Variants in LUC7L3 observed in about 807,000 individuals in gnomAD.
LUC7L3 encodes LUC7 like 3 pre-mRNA splicing factor, also known as luc7-like protein 3.
Under a neutral mutation model 66.8 loss-of-function variants are expected in LUC7L3, and 6 were observed. The ratio of observed to expected loss-of-function variants is 0.09; its 90% CI spans 0.05 to 0.18. The LOEUF (loss-of-function observed/expected upper bound fraction) is 0.18, where lower values mean the gene tolerates loss of function less well. Ranked by LOEUF, LUC7L3 falls within the 10% of genes least tolerant of loss-of-function variation. The probability of loss-of-function intolerance (pLI) is 1.00; values close to 1 mark genes in which losing one functional copy is unlikely to be tolerated. For missense variants in LUC7L3, 341 were observed against 531.1 expected (o/e 0.64, Z 3.52); for synonymous variants, 160 against 174.7 (o/e 0.92, Z 0.66).
intron 4 of LUC7L3, 79 bp from the exon 5 acceptor site, chr17:50,741,578 A>G (rs1970349016): frequency 1.3e-6 from 1 of 784,210 alleles, no homozygotes; most frequent in Non-Finnish European, 2.1e-6. Flanking sequence ...AAATAGAAAT[A>G]TTATGTATGG....
At chr17:50,721,860 A>G (rs1597880864) in intron 1 of LUC7L3, among the ~76,000 whole-genome samples, 4 of 151,108 alleles carry the variant, frequency 2.6e-5, no homozygotes, top group African/African-American at 4.8e-5. Flanking sequence ...TTTCTTGGCC[A>G]TACTTGCATT....
intron 1 of LUC7L3, among the ~76,000 whole-genome samples, chr17:50,726,934 C>T (rs968111139): frequency 6.6e-6 from 1 of 151,878 alleles, no homozygotes; most frequent in Non-Finnish European, 1.5e-5. Flanking sequence ...ACTAAAAATA[C>T]AAAAATTAGC....
At chr17:50,745,269 C>T (rs192240312) in intron 7 of LUC7L3, among the ~76,000 whole-genome samples, 9 of 152,076 alleles carry the variant, frequency 5.9e-5, no homozygotes, top group African/African-American at 1.7e-4. Flanking sequence ...TGAGCCACTG[C>T]GCTCGGCCAG....
rs77815565 is a variant in LUC7L3, at chr17:50,740,291, T to C, written c.167-15T>C. On this transcript the variant is annotated splice_polypyrimidine_tract_variant and intron_variant, in intron 2 of 9. Transcript: ENST00000505658. The stretch of plus-strand genomic sequence containing the variant: ...TAATCACAGATAATTTATACAATTA[T>C]ATTTTTTCCCCCAGGTCCGTGTGAA... The C allele has an allele frequency of 0.021, 33,462 of 1,582,766 alleles. 474 individuals are homozygous for C. The highest frequency in any genetic ancestry group is 0.025 in the Non-Finnish European group (29,402 of 1,161,162).
At chr17:50,729,927 T>C (rs930769596) in intron 1 of LUC7L3, among the ~76,000 whole-genome samples, 1 of 43,642 alleles carries the variant, frequency 2.3e-5, no homozygotes, top group Non-Finnish European at 5.6e-5. Flanking sequence ...TATATATATA[T>C]ATATATATAT....
At chr17:50,748,558 A>G (rs1163095043) in intron 9 of LUC7L3, 1 of 151,244 alleles carries the variant, frequency 6.6e-6, no homozygotes, top group Non-Finnish European at 1.5e-5. Flanking sequence ...TCCTGGGTTC[A>G]AGCAATCCTC....
Position 50,750,892 on chromosome 17 carries a change from G to T in LUC7L3, c.*231G>T. ...CTCAGCTATTTTGTAGCAGACTCGTGCCCCCATTAGTGTGCCTCTTTGGAA... is the reference window on the plus strand; with the variant it reads ...CTCAGCTATTTTGTAGCAGACTCGTTCCCCCATTAGTGTGCCTCTTTGGAA... On this transcript the variant is annotated 3_prime_UTR_variant, in exon 10 of 10. Transcript: ENST00000505658. 6.5e-7 allele frequency: 1 copy of T among 1,536,054 alleles called. No individual in the cohort carries two copies. Among genetic ancestry groups the T allele is most frequent in the Non-Finnish European group, 8.7e-7 (1 of 1,146,850 alleles).
intron 1 of LUC7L3, among the ~76,000 whole-genome samples, chr17:50,726,392 G>A (rs939542711): frequency 2.6e-5 from 4 of 152,040 alleles, no homozygotes; most frequent in African/African-American, 9.7e-5. Flanking sequence ...GGCTGGGCTC[G>A]AACTCCTGGC....
chr17:50,749,111 A>G, intron 9 of LUC7L3: 2 of 748,864 alleles, frequency 2.7e-6, no homozygotes, highest in South Asian at 1.6e-5. Flanking sequence ...CAACCAGTGT[A>G]AGGTGCTCTC....
intron 1 of LUC7L3, among the ~76,000 whole-genome samples, chr17:50,720,595 A>C (rs1355528581): frequency 1.3e-5 from 2 of 152,204 alleles, no homozygotes; most frequent in African/African-American, 4.8e-5. Flanking sequence ...GTAGCATTTC[A>C]AGTGTTTTGA....
chr17:50,724,343 A>C (rs1420291854), intron 1 of LUC7L3: 1 of 153,894 alleles, frequency 6.5e-6, no homozygotes, highest in African/African-American at 2.4e-5. Flanking sequence ...AACATGGTGA[A>C]ACCCTGTCTC....
In LUC7L3 at chr17:50,754,860, A is replaced by G. The variant is rs1164278357; in HGVS notation, c.*4199A>G. On this transcript the variant is annotated 3_prime_UTR_variant, in exon 10 of 10. Coordinates refer to ENST00000505658, the MANE Select transcript of LUC7L3 (RefSeq NM_016424.5). Reference sequence around the variant, plus strand: ...TAAGGTCTGAGAACACTTGGACCACATATTGGTTGAGCTCAGCCACCTTCT... The same window carrying G: ...TAAGGTCTGAGAACACTTGGACCACGTATTGGTTGAGCTCAGCCACCTTCT... 1 of 152,178 alleles carries G rather than the reference A, an allele frequency of 6.6e-6. No individual in the cohort carries two copies. The highest frequency in any genetic ancestry group is 2.4e-5 in the African/African-American group (1 of 41,444). The allele number at this position is 152,178 out of a possible 1,614,324, so 9.4% of individuals were successfully genotyped here.
At chr17:50,733,369 C>G (rs528267956) in intron 1 of LUC7L3, among the ~76,000 whole-genome samples, 160 of 147,892 alleles carry the variant, frequency 1.1e-3, no homozygotes, top group African/African-American at 3.7e-3. Context: ...GTGGCTGGGA[C>G]TACAGGCACC....
Position 50,752,543 on chromosome 17 carries a change from C to T in LUC7L3, c.*1882C>T, listed in dbSNP as rs567340059. On this transcript the variant is annotated 3_prime_UTR_variant, in exon 10 of 10. Coordinates refer to ENST00000505658, the MANE Select transcript of LUC7L3 (RefSeq NM_016424.5). ...GAAAACAGGATTAAACGTTAGTATT[C>T]GTGTGAATCAGACTAAGTGGGATTT... 1.3e-4 allele frequency: 21 copies of T among 158,464 alleles called. No homozygotes were observed. The highest frequency in any genetic ancestry group is 1.7e-4 in the African/African-American group (7 of 41,550). 9.8% of individuals were successfully genotyped at this position (158,464 alleles called of 1,614,324 possible). A position where few individuals can be genotyped will look rare whatever the true frequency, so the allele number is the denominator to read the frequency against.
At chr17:50,739,070 T>C (rs1970177097) in intron 2 of LUC7L3, among the ~76,000 whole-genome samples, 1 of 152,100 alleles carries the variant, frequency 6.6e-6, no homozygotes. Flanking sequence ...CTCAACTGAT[T>C]TATCTCCCAC....
At chr17:50,739,961 G>A (rs1450419627) in intron 2 of LUC7L3, among the ~76,000 whole-genome samples, 1 of 152,152 alleles carries the variant, frequency 6.6e-6, no homozygotes. Flanking sequence ...AATAAAGTCG[G>A]CAATGGTTCA....
chr17:50,739,101 C>T (rs1219730371), intron 2 of LUC7L3, among the ~76,000 whole-genome samples: 1 of 152,022 alleles, frequency 6.6e-6, no homozygotes, highest in African/African-American at 2.4e-5. Context: ...TCAGGAAACT[C>T]CACCAAAACA....
rs144272775 is a variant in LUC7L3, at chr17:50,735,579, C to T, written c.100-1381C>T. Reference sequence around the variant, plus strand: ...TGCAGTAAATAGCACAATCATGGCTCATTGCAGCCTCGACCTCCCAGGCTC... The same window carrying T: ...TGCAGTAAATAGCACAATCATGGCTTATTGCAGCCTCGACCTCCCAGGCTC... On this transcript the variant is annotated intron_variant, in intron 1 of 9. Coordinates refer to ENST00000505658, the MANE Select transcript of LUC7L3 (RefSeq NM_016424.5). Among the ~76,000 whole-genome samples the T allele has an allele frequency of 3.6e-4, 55 of 152,058 alleles. 1 individual carries two copies. The East Asian group carries it at 9.3e-3, about 26-fold the overall frequency.
chr17:50,728,174 T>C (rs1969329478), intron 1 of LUC7L3, among the ~76,000 whole-genome samples: 2 of 151,704 alleles, frequency 1.3e-5, no homozygotes, highest in African/African-American at 4.8e-5. Flanking sequence ...TTTTATTACA[T>C]TGGGAAATAA....
Sources: gnomAD v4.1 joint callset for allele counts (sites outside exome capture counted in the v4.1 genomes callset) on GRCh38, gnomAD v4.1.1 for gene constraint, MANE v1.5 for transcripts, NCBI Gene and HGNC (gene_info 2026-07-23, HGNC 2026-07-21) for gene names.